The following PAICS variants were observed in gnomAD, a reference collection of about 807,000 sequenced individuals.
The protein encoded by PAICS is phosphoribosylaminoimidazole carboxylase and phosphoribosylaminoimidazolesuccinocarboxamide synthase, also known as bifunctional phosphoribosylaminoimidazole carboxylase/phosphoribosylaminoimidazole succinocarboxamide synthetase.
In PAICS, 33 loss-of-function variants were observed where a neutral mutation model predicts 53.7. The observed-to-expected ratio is 0.61, with a 90% confidence interval of 0.47 to 0.82. PAICS has a LOEUF of 0.82. Among genes scored for constraint, PAICS ranks in the 40% least tolerant of loss-of-function variants. The pLI is 0.00. For synonymous variants in PAICS, 141 were observed against 167.2 expected, an observed-to-expected ratio of 0.84 and a Z score of 1.21; for missense variants, 394 against 494.1, an observed-to-expected ratio of 0.80 and a Z score of 1.92.
At chr4:56,450,399 A>G (rs1718845604) in intron 5 of PAICS, among the ~76,000 whole-genome samples, 1 of 152,220 alleles carries the variant, frequency 6.6e-6, no homozygotes, top group Non-Finnish European at 1.5e-5. Context: ...AAGGCAGTTA[A>G]TTGTAGTTGC....
At chr4:56,419,556 T>C in the PAICS span, 1 of 486,894 alleles carries the variant, frequency 2.1e-6, no homozygotes, top group Non-Finnish European at 2.7e-6. Flanking sequence ...TGCATCCAAT[T>C]ATTTACCTTG....
Position 56,459,533 on chromosome 4 carries a change from T to C in PAICS, c.1273T>C (p.Leu425=). 1 of 1,548,728 alleles carries C rather than the reference T, an allele frequency of 6.5e-7. No individual in the cohort carries two copies. Among genetic ancestry groups the C allele is most frequent in the East Asian group, 2.3e-5 (1 of 43,740 alleles). Residue 425 remains leucine, a synonymous_variant, in exon 9 of 9, where the codon TTA becomes CTA. Transcript: ENST00000512576. Reference sequence around the variant, plus strand: ...TGACAAGAAAATCAGAGAATGTAATTTATAAGAAAGAATGCCATTGAATTT... The same window carrying C: ...TGACAAGAAAATCAGAGAATGTAATCTATAAGAAAGAATGCCATTGAATTT... The part of the protein sequence containing the change: ...QADKKIRECN[L]
chr4:56,435,506 T>G, upstream of PAICS: 1 of 1,612,586 alleles, frequency 6.2e-7, no homozygotes, highest in Non-Finnish European at 8.5e-7. Flanking sequence ...TGGAAGGACC[T>G]GCCGCTGCGG....
chr4:56,434,096 T>A (rs997057074), upstream of PAICS, among the ~76,000 whole-genome samples: 5 of 151,924 alleles, frequency 3.3e-5, no homozygotes, highest in Admixed American at 6.6e-5. Flanking sequence ...AAACTTTTTT[T>A]AAAAAAAACA....
chr4:56,451,998 A>G lies in PAICS; in HGVS notation c.898A>G (p.Thr300Ala), dbSNP rs746573083. Reference protein sequence around the residue: ...NFGIPCELRVTSAHKGPDETL... With the variant: ...NFGIPCELRVASAHKGPDETL... ...TGGCATTCCATGTGAACTTCGAGTA[A>G]CATCTGCGCATAAAGGACCAGATGA... Residue 300 changes from threonine to alanine, a missense_variant, in exon 7 of 9, where the codon ACA becomes GCA. Around this residue, in one of 3 missense-constraint regions of PAICS, gnomAD observed 131 missense variants for 205.5 expected, o/e 0.64. Transcript: ENST00000512576. 3 of 1,609,552 alleles carry G rather than the reference A, an allele frequency of 1.9e-6. No individual in the cohort carries two copies. The highest frequency in any genetic ancestry group is 2.5e-6 in the Non-Finnish European group (3 of 1,177,642).
At chr4:56,416,996 C>G in the PAICS span, among the ~76,000 whole-genome samples, 1 of 152,032 alleles carries the variant, frequency 6.6e-6, no homozygotes, top group Admixed American at 6.6e-5. Context: ...ATTACAGGAG[C>G]GCACCATCAC....
In PAICS at chr4:56,452,339, C is replaced by T. The variant is rs560217872; in HGVS notation, c.952+287C>T. 3.9e-5 allele frequency among the ~76,000 whole-genome samples: 6 copies of T among 152,034 alleles called. No individual in the cohort carries two copies. The South Asian group carries it at 6.2e-4, about 16-fold the overall frequency. The stretch of plus-strand genomic sequence containing the variant: ...GACTACAGGCGCCCACCACCATGCC[C>T]GGCTAATTTTTTGTATTTTTAATAG... On this transcript the variant is annotated intron_variant, in intron 7 of 8. Transcript: ENST00000512576.
At chr4:56,422,481 ACGTGTGTGTG>A in the PAICS span, 1 of 77,412 alleles carries the variant, frequency 1.3e-5, no homozygotes, top group African/African-American at 4.8e-5. Flanking sequence ...TTTTTTTTGT[ACGTGTGTGTG>A]TGTGTGTGTG....
the PAICS span, among the ~76,000 whole-genome samples, chr4:56,429,237 G>A: frequency 2.6e-5 from 4 of 152,178 alleles, no homozygotes; most frequent in South Asian, 8.3e-4. Flanking sequence ...AAAAAAGAGT[G>A]AGAGTAACAC....
At position 56,448,413 on chromosome 4, in the gene PAICS, C is replaced by T; in HGVS notation, c.394-5C>T. On this transcript the variant is annotated splice_polypyrimidine_tract_variant and splice_region_variant and intron_variant, in intron 3 of 8. Coordinates refer to ENST00000512576, the MANE Select transcript of PAICS (RefSeq NM_001079524.2). ...GTTAATTGTACTACTATACTTTATT[C>T]ACAGGATGATGCCAATAATGACCCA... is the stretch of plus-strand genomic sequence containing the variant. The T allele has an allele frequency of 6.4e-7, 1 of 1,562,636 alleles. No homozygotes were observed. The highest frequency in any genetic ancestry group is 8.7e-7 in the Non-Finnish European group (1 of 1,152,376).
upstream of PAICS, among the ~76,000 whole-genome samples, chr4:56,430,784 A>C (rs529587828): frequency 6.6e-6 from 1 of 151,930 alleles, no homozygotes; most frequent in East Asian, 2.0e-4. Context: ...CTTACAATAT[A>C]TAAGTCTAGG....
At chr4:56,432,864 AC>A (rs1273051132), upstream of PAICS, among the ~76,000 whole-genome samples, 1 of 151,358 alleles carries the variant, frequency 6.6e-6, no homozygotes, top group Non-Finnish European at 1.5e-5. Context: ...ACACAATCAA[AC>A]CTTTTTGCAG....
chr4:56,446,434 T>C (rs911354000), intron 2 of PAICS: 1 of 716,618 alleles, frequency 1.4e-6, no homozygotes, highest in Non-Finnish European at 2.6e-6. Flanking sequence ...GTTTTTAAGC[T>C]TCATCCATAT....
At chr4:56,425,387 G>C in the PAICS span, 1 of 869,522 alleles carries the variant, frequency 1.2e-6, no homozygotes, top group Non-Finnish European at 1.4e-6. Context: ...TCCAGATAGA[G>C]AAGAACTTAT....
the PAICS span, among the ~76,000 whole-genome samples, chr4:56,429,434 C>T: frequency 5.3e-5 from 8 of 152,074 alleles, no homozygotes; most frequent in African/African-American, 1.9e-4. Flanking sequence ...AACTCAGAAG[C>T]CAACCTAATA....
the PAICS span, among the ~76,000 whole-genome samples, chr4:56,430,737 A>T: frequency 2.6e-5 from 4 of 151,440 alleles, no homozygotes; most frequent in Non-Finnish European, 5.9e-5. Context: ...ACCGCACAAG[A>T]GTATCATTCT....
At chr4:56,448,341 G>A in intron 3 of PAICS, 77 bp from the exon 4 acceptor site, 1 of 1,050,454 alleles carries the variant, frequency 9.5e-7, no homozygotes, top group South Asian at 2.0e-5. Context: ...TGCTCAAGGT[G>A]AAAAGGATGT....
chr4:56,458,735 T>C (rs1419349646), intron 8 of PAICS, among the ~76,000 whole-genome samples: 1 of 151,836 alleles, frequency 6.6e-6, no homozygotes, highest in East Asian at 1.9e-4. Flanking sequence ...CTAGACATAA[T>C]AGTACCCCTG....
rs57161391 is a variant in PAICS, at chr4:56,437,256, G to GGTGTGTGTGTGTGT, written c.16+957_16+970dup. Among the ~76,000 whole-genome samples the GGTGTGTGTGTGTGT allele has an allele frequency of 2.1e-3, 261 of 124,396 alleles. 2 individuals are homozygous for GGTGTGTGTGTGTGT. Among genetic ancestry groups the GGTGTGTGTGTGTGT allele is most frequent in the African/African-American group, 4.5e-3 (142 of 31,714 alleles). 81.6% of individuals were successfully genotyped at this position (124,396 alleles called of 152,430 possible). On this transcript the variant is annotated intron_variant, in intron 1 of 8. Coordinates refer to ENST00000512576, the MANE Select transcript of PAICS (RefSeq NM_001079524.2). ...TTTAGGTAGTCTTTGATGCCATGAT[G>GGTGTGTGTGTGTGT]GTGTGTGTGTGTGTGTGTGTGTGTG... is the stretch of plus-strand genomic sequence containing the variant.
Sources: gnomAD v4.1 joint callset for allele counts (sites outside exome capture counted in the v4.1 genomes callset) on GRCh38, gnomAD v4.1.1 for gene constraint, gnomAD v4.1.1 regional missense constraint, MANE v1.5 for transcripts, NCBI Gene and HGNC (gene_info 2026-07-23, HGNC 2026-07-21) for gene names.